The following NF2 variants were observed in gnomAD, a reference collection of about 807,000 sequenced individuals.
NF2 encodes merlin.
A neutral mutation model predicts 83.7 loss-of-function variants in NF2; 8 were observed. The observed-to-expected ratio is 0.10, with a 90% CI of 0.06 to 0.17. The LOEUF is 0.17. Ranked by LOEUF, NF2 falls within the 10% of genes least tolerant of loss-of-function variation. The probability of loss-of-function intolerance (pLI) is 1.00; values close to 1 mark genes in which losing one functional copy is unlikely to be tolerated. For missense variants in NF2, 533 were observed against 744.4 expected, an observed-to-expected ratio of 0.72 and a Z score of 3.31; for synonymous variants, 266 against 269.6, an observed-to-expected ratio of 0.99 and a Z score of 0.13.
rs780818183 is a variant in NF2, at chr22:29,681,450, T to C, written c.1586T>C (p.Met529Thr). The C allele has an allele frequency of 6.8e-6, 11 of 1,613,764 alleles. No individual in the cohort carries two copies. The Admixed American group carries it at 1.3e-4, about 20-fold the overall frequency. The change falls in exon 15 of 16, where the codon ATG becomes ACG. Residue 529 changes from methionine to threonine, a missense_variant. Met to Thr is a moderately conservative substitution (Grantham distance 81, BLOSUM62 -1). Transcript: ENST00000338641. ...CCTCTTGCCGGCAGAGTGGAATACA[T>C]GGAAAAGAGCAAGCATCTGCAGGAG... ...MEIEKEKVEY[M>T]EKSKHLQEQL...
In NF2 at chr22:29,668,419, G is replaced by T; in HGVS notation, c.972G>T (p.Gln324His). The change falls in exon 10 of 16, where the codon CAG becomes CAT. Residue 324 changes from glutamine to histidine, a missense_variant. Coordinates refer to ENST00000338641, the MANE Select transcript of NF2 (RefSeq NM_000268.4). ...DSLEVQQMKA[Q>H]AREEKARKQM... is the part of the protein sequence containing the mutation. ...TGGAAGTTCAGCAGATGAAAGCCCA[G>T]GCCAGGGAGGAGAAGGCTAGAAAGC... 6.2e-7 allele frequency: 1 copy of T among 1,613,904 alleles called. No homozygotes were observed. Among genetic ancestry groups the T allele is most frequent in the Non-Finnish European group, 8.5e-7 (1 of 1,179,818 alleles).
intron 13 of NF2, 104 bp from the exon 14 acceptor site, chr22:29,678,092 G>A: frequency 6.7e-6 from 10 of 1,497,022 alleles, no homozygotes; most frequent in Non-Finnish European, 9.3e-6. Flanking sequence ...GACCCGAGTT[G>A]TGCCCATTGC....
At chr22:29,644,167 G>T (rs906952097) in intron 4 of NF2, among the ~76,000 whole-genome samples, 1 of 151,630 alleles carries the variant, frequency 6.6e-6, no homozygotes, top group Non-Finnish European at 1.5e-5. Context: ...TCACAGACGG[G>T]GCGGTTGCCA....
chr22:29,696,875 G>T lies in NF2; in HGVS notation c.*2073G>T. 5.6e-6 allele frequency: 1 copy of T among 177,398 alleles called. No homozygotes were observed. Among genetic ancestry groups the T allele is most frequent in the Non-Finnish European group, 1.2e-5 (1 of 85,152 alleles). The allele number at this position is 177,398 out of a possible 1,614,324, so 11.0% of individuals were successfully genotyped here. On this transcript the variant is annotated 3_prime_UTR_variant, in exon 16 of 16. Coordinates refer to ENST00000338641, the MANE Select transcript of NF2 (RefSeq NM_000268.4). ...TCTGTCGCCCAGGCTGGAGTGCAGT[G>T]TCACGATCTCAGCTCACTGCAACCT... is the stretch of plus-strand genomic sequence containing the variant.
chr22:29,666,049 A>G (rs2066613927), intron 9 of NF2, among the ~76,000 whole-genome samples: 1 of 151,948 alleles, frequency 6.6e-6, no homozygotes, highest in African/African-American at 2.4e-5. Context: ...TTTTTGAGAT[A>G]TATCTTTGTT....
rs754087219 is a variant in NF2 at position 29,681,533 on chromosome 22, G to A, written c.1669G>A (p.Ala557Thr). Residue 557 changes from alanine (A) to threonine (T), a missense_variant, in exon 15 of 16, where the codon GCT becomes ACT. Around this residue, in one of 3 missense-constraint regions of NF2, gnomAD observed 199 missense variants for 240.7 expected, o/e 0.83. Transcript: ENST00000338641. The stretch of plus-strand genomic sequence containing the variant: ...CTTGAAACTGAAAGAGAGGGAGACA[G>A]CTCTGGATATTCTGCACAATGAGAA... Reference protein sequence around the residue: ...EALKLKERETALDILHNENSD... With the variant: ...EALKLKERETTLDILHNENSD... 1.9e-6 allele frequency: 3 copies of A among 1,614,202 alleles called. No individual in the cohort carries two copies. Among genetic ancestry groups the A allele is most frequent in the Non-Finnish European group, 2.5e-6 (3 of 1,180,032 alleles).
intron 1 of NF2, among the ~76,000 whole-genome samples, chr22:29,631,812 G>A (rs1346231588): frequency 2.0e-5 from 3 of 152,164 alleles, no homozygotes; most frequent in East Asian, 1.9e-4. Context: ...CTGCTAAGAC[G>A]AGTTCTGTTT....
chr22:29,656,702 G>A (rs1442545342), intron 6 of NF2, among the ~76,000 whole-genome samples: 1 of 152,078 alleles, frequency 6.6e-6, no homozygotes, highest in East Asian at 1.9e-4. Flanking sequence ...ATGAGCCACC[G>A]CGCCCAGCCA....
At chr22:29,688,340 G>A (rs534448650) in intron 15 of NF2, among the ~76,000 whole-genome samples, 28 of 152,276 alleles carry the variant, frequency 1.8e-4, no homozygotes, top group Admixed American at 9.8e-4. Context: ...CCTCGGCACC[G>A]GATTCGTTGC....
chr22:29,625,545 G>A (rs554232302), intron 1 of NF2, among the ~76,000 whole-genome samples: 3 of 152,284 alleles, frequency 2.0e-5, no homozygotes, highest in South Asian at 2.1e-4. Flanking sequence ...AGCTGGTGAC[G>A]AGGCTTCTCA....
intron 8 of NF2, 150 bp downstream of exon 8, chr22:29,661,489 CT>C: frequency 1.7e-6 from 2 of 1,170,138 alleles, no homozygotes; most frequent in Non-Finnish European, 2.5e-6. Context: ...TTTTCGAAGT[CT>C]TTACAGAACA....
At chr22:29,671,426 G>A (rs1167362131) in intron 10 of NF2, among the ~76,000 whole-genome samples, 4 of 152,172 alleles carry the variant, frequency 2.6e-5, no homozygotes, top group Non-Finnish European at 5.9e-5. Flanking sequence ...CTACTCGGGA[G>A]GCTGAGGCAG....
In NF2 at chr22:29,623,561, G is replaced by C. The variant is rs138573880; in HGVS notation, c.115-13190G>C. ...AGCATCTAGTGAATCTAGAGATTAG[G>C]GTGTTCTGTGACCAAGAATGAGCAG... On this transcript the variant is annotated intron_variant, in intron 1 of 15. Transcript: ENST00000338641. Among the ~76,000 whole-genome samples, 18 of 152,158 alleles carry C rather than the reference G, an allele frequency of 1.2e-4. No individual in the cohort carries two copies. In the East Asian group the frequency reaches 3.5e-3, roughly 29 times the overall value.
In NF2 at chr22:29,668,441, A is replaced by C; in HGVS notation, c.994A>C (p.Lys332Gln). The change falls in exon 10 of 16, where the codon AAG becomes CAG. Residue 332 changes from lysine to glutamine, a missense_variant. Lys to Gln is a moderately conservative substitution (Grantham distance 53, BLOSUM62 1). This residue lies in a region of NF2 where 326 missense variants were observed against 475.1 expected (regional missense o/e 0.69). Transcript: ENST00000338641. ...CCAGGCCAGGGAGGAGAAGGCTAGA[A>C]AGCAGGTGAGCACAACCTTGTTTTA... Reference protein sequence around the residue: ...KAQAREEKARKQMERQRLARE... With the variant: ...KAQAREEKARQQMERQRLARE... 1 of 1,612,712 alleles carries C rather than the reference A, an allele frequency of 6.2e-7. No homozygotes were observed. The highest frequency in any genetic ancestry group is 8.5e-7 in the Non-Finnish European group (1 of 1,178,826).
At position 29,609,425 on chromosome 22, in the gene NF2, G is replaced by T. The variant is rs1451060532; in HGVS notation, c.114+5313G>T. 5 of 489,898 alleles carry T rather than the reference G, an allele frequency of 1.0e-5. No homozygotes were observed. The Admixed American group carries it at 1.3e-4, about 12-fold the overall frequency. The allele number at this position is 489,898 out of a possible 1,614,324, so 30.3% of individuals were successfully genotyped here. On this transcript the variant is annotated intron_variant, in intron 1 of 15. Transcript: ENST00000338641. ...GTGTCTGGCAGTGCTATGGTGAGGAGTGAAGACCCTAGATCTGTGATCAGC... is the reference window on the plus strand; with the variant it reads ...GTGTCTGGCAGTGCTATGGTGAGGATTGAAGACCCTAGATCTGTGATCAGC...
chr22:29,636,851 T>C lies in NF2; in HGVS notation c.215T>C (p.Val72Ala), dbSNP rs1260510937. 14 of 1,614,140 alleles carry C rather than the reference T, an allele frequency of 8.7e-6. No individual in the cohort carries two copies. In the Middle Eastern group the frequency reaches 1.2e-3, roughly 134 times the overall value. Reference sequence around the variant, plus strand: ...CTGCAGTACACAATCAAGGACACAGTGGCCTGGCTCAAAATGGACAAGAAG... The same window carrying C: ...CTGCAGTACACAATCAAGGACACAGCGGCCTGGCTCAAAATGGACAAGAAG... ...FGLQYTIKDT[V>A]AWLKMDKKVL... Residue 72 changes from valine (V) to alanine (A), a missense_variant, in exon 2 of 16, where the codon GTG becomes GCG. By Grantham distance (64) the Val-to-Ala change is moderately conservative. Transcript: ENST00000338641. This position sits in a 1 kb window ranked among gnomAD's most constrained non-coding sequence, Gnocchi z 4.4.
Position 29,673,605 on chromosome 22 carries a change from G to A in NF2, c.1340+119G>A, listed in dbSNP as rs183932579. 1.6e-4 allele frequency: 176 copies of A among 1,125,558 alleles called. 1 individual carries two copies. The East Asian group carries it at 1.6e-3, about 10-fold the overall frequency. 69.7% of individuals were successfully genotyped at this position (1,125,558 alleles called of 1,614,324 possible). ...AAGCTGCTTGCCCATCTTCTGGGCC[G>A]TGGGGAGGCTCCTCCTTGGCTGATG... On this transcript the variant is annotated intron_variant, in intron 12 of 15. Coordinates refer to ENST00000338641, the MANE Select transcript of NF2 (RefSeq NM_000268.4).
At chr22:29,644,661 G>A (rs1169066824) in intron 4 of NF2, among the ~76,000 whole-genome samples, 28 of 152,238 alleles carry the variant, frequency 1.8e-4, no homozygotes, top group Admixed American at 1.6e-3. Flanking sequence ...GACTCCGTCT[G>A]CAATCCCGGC....
rs146041932 is a variant in NF2, at chr22:29,683,165, G to A, written c.1737+1564G>A. Reference sequence around the variant, plus strand: ...TGTCTCTGTCCTCGGGCCACACTGAGCCCTTACGAGGGCAGGTGGTGCCTG... The same window carrying A: ...TGTCTCTGTCCTCGGGCCACACTGAACCCTTACGAGGGCAGGTGGTGCCTG... On this transcript the variant is annotated intron_variant, in intron 15 of 15. Transcript: ENST00000338641. 97 of 1,612,918 alleles carry A rather than the reference G, an allele frequency of 6.0e-5. No homozygotes were observed. In the East Asian group the frequency reaches 2.1e-3, roughly 35 times the overall value.
Sources: allele counts gnomAD v4.1 joint callset (sites outside exome capture counted in the v4.1 genomes callset), GRCh38; gene constraint gnomAD v4.1.1; regional missense constraint gnomAD v4.1.1; non-coding constraint Gnocchi (gnomAD v3.1); transcripts MANE v1.5; gene names NCBI Gene and HGNC (gene_info 2026-07-23, HGNC 2026-07-21).